Variants in MDM4 observed in about 807,000 individuals in gnomAD.
The protein encoded by MDM4 is protein Mdm4.
Under a neutral mutation model 60.2 loss-of-function variants are expected in MDM4, and 2 were observed. The ratio of observed to expected loss-of-function variants is 0.03; its 90% CI spans 0.01 to 0.10. The LOEUF (loss-of-function observed/expected upper bound fraction) is 0.10. Ranked by LOEUF, MDM4 falls within the 10% of genes least tolerant of loss-of-function variation. MDM4 has a pLI of 1.00. For synonymous variants in MDM4, 202 were observed against 198.1 expected (o/e 1.02, Z -0.17); for missense variants, 447 against 577.5 (o/e 0.77, Z 2.32).
At chr1:204,541,256 C>T (rs1160653373) in intron 7 of MDM4, among the ~76,000 whole-genome samples, 3 of 152,032 alleles carry the variant, frequency 2.0e-5, no homozygotes, top group South Asian at 2.1e-4. Flanking sequence ...CTCAAGAGTT[C>T]GAGACCAGCT....
rs1233141191 is a variant in MDM4 at position 204,553,035 on chromosome 1, C to T, written c.*3353C>T. ...GGATTACAGGTGTGCACCACCATGT[C>T]TGGCTAATTTTGTATTTTTAGTAGA... On this transcript the variant is annotated 3_prime_UTR_variant, in exon 11 of 11. Transcript: ENST00000367182. 6.0e-6 allele frequency: 1 copy of T among 166,548 alleles called. No homozygotes were observed. Among genetic ancestry groups the T allele is most frequent in the Non-Finnish European group, 1.3e-5 (1 of 76,452 alleles). 10.3% of individuals were successfully genotyped at this position (166,548 alleles called of 1,614,324 possible).
chr1:204,549,109 G>C lies in MDM4; in HGVS notation c.904-4G>C, dbSNP rs1662957884. 1.3e-6 allele frequency: 2 copies of C among 1,575,614 alleles called. No homozygotes were observed. The highest frequency in any genetic ancestry group is 1.7e-6 in the Non-Finnish European group (2 of 1,155,748). ...GTATTAATTGGCTTCACTTGTCTTT[G>C]TAGGATGAGTGGCAGTGTACTGAAT... On this transcript the variant is annotated splice_region_variant and splice_polypyrimidine_tract_variant and intron_variant, in intron 10 of 10. Transcript: ENST00000367182.
intron 5 of MDM4, among the ~76,000 whole-genome samples, chr1:204,533,151 C>G (rs1368486610): frequency 5.3e-5 from 8 of 152,182 alleles, no homozygotes; most frequent in African/African-American, 1.9e-4. Flanking sequence ...AAATACTGCT[C>G]TTTAACTATT....
intron 1 of MDM4, among the ~76,000 whole-genome samples, chr1:204,523,448 CAG>C (rs1483995331): frequency 7.5e-6 from 1 of 134,070 alleles, no homozygotes; most frequent in Non-Finnish European, 1.6e-5. Context: ...GCCTGGGCGA[CAG>C]AGCGAGACTC....
chr1:204,547,682 A>G (rs1454350222), intron 10 of MDM4, among the ~76,000 whole-genome samples: 1 of 152,244 alleles, frequency 6.6e-6, no homozygotes, highest in Non-Finnish European at 1.5e-5. Flanking sequence ...ATATTGGTCC[A>G]GTAAGTGTTC....
intron 1 of MDM4, among the ~76,000 whole-genome samples, chr1:204,523,454 G>A (rs12741918): frequency 0.56 from 75,556 of 136,044 alleles, 23,549 homozygotes; most frequent in Non-Finnish European, 0.69. Context: ...GCGACAGAGC[G>A]AGACTCCACC....
chr1:204,525,552 A>C lies in MDM4; in HGVS notation c.34A>C (p.Thr12Pro), dbSNP rs905303517. The change falls in exon 2 of 11, where the codon ACA becomes CCA. Residue 12 changes from threonine to proline, a missense_variant. Thr to Pro is a conservative substitution (Grantham distance 38). Transcript: ENST00000367182. ...TSFSTSAQCS[T>P]SDSACRISPG... ...ATTTTCCACCTCTGCTCAGTGTTCA[A>C]CATCTGACAGTGCTTGCAGGATCTC... 1 of 1,612,320 alleles carries C rather than the reference A, an allele frequency of 6.2e-7. No homozygotes were observed. Among genetic ancestry groups the C allele is most frequent in the Non-Finnish European group, 8.5e-7 (1 of 1,179,372 alleles).
intron 3 of MDM4, among the ~76,000 whole-genome samples, 166 bp downstream of exon 3, chr1:204,526,600 A>T (rs1271465500): frequency 5.9e-5 from 9 of 151,434 alleles, no homozygotes. Flanking sequence ...AGTAGCTGGG[A>T]TTACAGGTGC....
rs1663385944 is a variant in MDM4, at chr1:204,553,826, A to G, written c.*4144A>G. 3.2e-5 allele frequency: 7 copies of G among 219,482 alleles called. No homozygotes were observed. In the Admixed American group the frequency reaches 4.1e-4, roughly 13 times the overall value. 13.6% of individuals were successfully genotyped at this position (219,482 alleles called of 1,614,324 possible). A position where few individuals can be genotyped will look rare whatever the true frequency, so the allele number is the denominator to read the frequency against. On this transcript the variant is annotated 3_prime_UTR_variant, in exon 11 of 11. Coordinates refer to ENST00000367182, the MANE Select transcript of MDM4 (RefSeq NM_002393.5). The stretch of plus-strand genomic sequence containing the variant: ...AAATCAAACTTTATAAAAATCTTAG[A>G]CCAGATCTTTAATATGGTATGCCAT...
At chr1:204,520,472 TGAAAAC>T (rs1310820767) in intron 1 of MDM4, among the ~76,000 whole-genome samples, 1 of 150,670 alleles carries the variant, frequency 6.6e-6, no homozygotes, top group Non-Finnish European at 1.5e-5. Flanking sequence ...GCAAGGGAAA[TGAAAAC>T]AATAGGGTTC....
rs147953343 is a variant in MDM4, at chr1:204,535,250, C to T, written c.344-2180C>T. On this transcript the variant is annotated intron_variant, in intron 5 of 10. Coordinates refer to ENST00000367182, the MANE Select transcript of MDM4 (RefSeq NM_002393.5). ...TTGGCTCACTGCAGCCTCCACCTCC[C>T]GGGTTCACGCAGTTCTCCTGCCTCA... 9.2e-3 allele frequency among the ~76,000 whole-genome samples: 1,394 copies of T among 150,938 alleles called. 18 individuals carry two copies. Among genetic ancestry groups the T allele is most frequent in the African/African-American group, 0.031 (1,268 of 41,104 alleles).
chr1:204,536,242 A>G (rs1661412019), intron 5 of MDM4, among the ~76,000 whole-genome samples: 1 of 152,152 alleles, frequency 6.6e-6, no homozygotes, highest in Non-Finnish European at 1.5e-5. Context: ...ACAGAGCAAG[A>G]CTCCGTCTCA....
chr1:204,525,501 A>C lies in MDM4; in HGVS notation c.-18A>C. On this transcript the variant is annotated 5_prime_UTR_variant, in exon 2 of 11. Coordinates refer to ENST00000367182, the MANE Select transcript of MDM4 (RefSeq NM_002393.5). ...CTATTTAGTTTTACCAACAGACTGC[A>C]GTTTCTTCACTACCAAAATGACATC... The C allele has an allele frequency of 1.9e-6, 3 of 1,590,014 alleles. No homozygotes were observed. The highest frequency in any genetic ancestry group is 2.6e-6 in the Non-Finnish European group (3 of 1,173,856).
rs534056888 is a variant in MDM4, at chr1:204,556,006, A to G, written c.*6324A>G. The G allele has an allele frequency of 9.9e-5, 21 of 212,780 alleles. No homozygotes were observed. The East Asian group carries it at 1.4e-3, about 15-fold the overall frequency. 13.2% of individuals were successfully genotyped at this position (212,780 alleles called of 1,614,324 possible). Reference sequence around the variant, plus strand: ...GATAGTCCCCTGTCAACAGTAGCAAATGTGGTTTCATAAAGTGGGAAGAAA... The same window carrying G: ...GATAGTCCCCTGTCAACAGTAGCAAGTGTGGTTTCATAAAGTGGGAAGAAA... On this transcript the variant is annotated 3_prime_UTR_variant, in exon 11 of 11. Transcript: ENST00000367182.
chr1:204,536,826 T>C, intron 5 of MDM4: 2 of 222,462 alleles, frequency 9.0e-6, no homozygotes, highest in South Asian at 9.8e-5. Context: ...ATGTTTATAG[T>C]AACTGGGAAA....
intron 5 of MDM4, among the ~76,000 whole-genome samples, chr1:204,534,839 A>T (rs1159867990): frequency 1.3e-5 from 2 of 152,090 alleles, no homozygotes; most frequent in Non-Finnish European, 2.9e-5. Flanking sequence ...CAGACTTAAT[A>T]AAGTTGCAAA....
chr1:204,534,912 A>G (rs1282825733), intron 5 of MDM4, among the ~76,000 whole-genome samples: 10 of 152,122 alleles, frequency 6.6e-5, no homozygotes, highest in Non-Finnish European at 1.5e-4. Context: ...CATCTTACAT[A>G]ATAATAGTAT....
intron 9 of MDM4, 147 bp downstream of exon 9, chr1:204,544,831 C>A: frequency 2.4e-6 from 2 of 817,642 alleles, no homozygotes; most frequent in Non-Finnish European, 1.8e-6. Flanking sequence ...TTTTAAGATT[C>A]ACATTAAGTA....
At chr1:204,534,322 G>A (rs1018882846) in intron 5 of MDM4, among the ~76,000 whole-genome samples, 1 of 152,108 alleles carries the variant, frequency 6.6e-6, no homozygotes, top group Non-Finnish European at 1.5e-5. Context: ...GTCACTAAAG[G>A]TTTGAGATAC....
Sources: gnomAD v4.1 joint callset for allele counts (sites outside exome capture counted in the v4.1 genomes callset) on GRCh38, gnomAD v4.1.1 for gene constraint, MANE v1.5 for transcripts, NCBI Gene and HGNC (gene_info 2026-07-23, HGNC 2026-07-21) for gene names.